RPH3A: variants seen among roughly 807,000 people sequenced by gnomAD.
RPH3A encodes rabphilin-3A.
Under a neutral mutation model 102.2 loss-of-function variants are expected in RPH3A, and 48 were observed. The ratio of observed to expected loss-of-function variants is 0.47; its 90% confidence interval spans 0.37 to 0.60. The LOEUF is 0.60. Among genes scored for constraint, RPH3A ranks in the 20% least tolerant of loss-of-function variants. RPH3A has a pLI of 0.00. For missense variants in RPH3A, 781 were observed against 910.1 expected (o/e 0.86, Z 1.83); for synonymous variants, 310 against 324.3 (o/e 0.96, Z 0.47).
intron 1 of RPH3A, among the ~76,000 whole-genome samples, chr12:112,629,858 C>T (rs1328354804): frequency 6.6e-6 from 1 of 152,080 alleles, no homozygotes; most frequent in Non-Finnish European, 1.5e-5. Flanking sequence ...TTTACATAAA[C>T]ATTAAATCAT....
chr12:112,729,071 G>A (rs1173583137), intron 1 of RPH3A, among the ~76,000 whole-genome samples: 1 of 152,058 alleles, frequency 6.6e-6, no homozygotes, highest in African/African-American at 2.4e-5. Flanking sequence ...TGGAGCCTGA[G>A]ATCTTTTTGA....
intron 1 of RPH3A, among the ~76,000 whole-genome samples, chr12:112,783,604 G>A (rs1016701914): frequency 2.0e-5 from 3 of 152,052 alleles, no homozygotes; most frequent in Non-Finnish European, 4.4e-5. Flanking sequence ...TAATGTGTTG[G>A]GCACCTACTA....
chr12:112,787,227 C>T (rs1022434721), upstream of RPH3A, among the ~76,000 whole-genome samples: 17 of 152,216 alleles, frequency 1.1e-4, no homozygotes, highest in Admixed American at 1.3e-4. Context: ...CCACTTGCCA[C>T]TTAAGGTAAT....
chr12:112,644,631 T>C (rs1269687658), intron 1 of RPH3A, among the ~76,000 whole-genome samples: 1 of 152,262 alleles, frequency 6.6e-6, no homozygotes, highest in Non-Finnish European at 1.5e-5. Context: ...GCACGTACTA[T>C]ATGCCAGGTA....
At chr12:112,620,439 G>A (rs1056992376) in intron 1 of RPH3A, among the ~76,000 whole-genome samples, 7 of 152,152 alleles carry the variant, frequency 4.6e-5, no homozygotes, top group South Asian at 4.1e-4. Flanking sequence ...TCTCCTGGTC[G>A]TTTCCTTCCA....
intron 13 of RPH3A, among the ~76,000 whole-genome samples, chr12:112,878,605 T>C (rs1238767455): frequency 1.3e-5 from 2 of 152,166 alleles, no homozygotes. Context: ...TAAAATACAT[T>C]GAGTGACTAT....
At chr12:112,629,155 T>TATTGATTG (rs1251496931) in intron 1 of RPH3A, among the ~76,000 whole-genome samples, 4 of 152,108 alleles carry the variant, frequency 2.6e-5, no homozygotes, top group Admixed American at 6.5e-5. Flanking sequence ...TGGAGACACT[T>TATTGATTG]ATTGATTGGC....
chr12:112,678,848 T>G lies in RPH3A; in HGVS notation c.-140+103529T>G, dbSNP rs192592344. Among the ~76,000 whole-genome samples the G allele has an allele frequency of 7.0e-4, 106 of 152,250 alleles. 1 individual carries two copies. In the East Asian group the frequency reaches 0.016, roughly 23 times the overall value. Reference sequence around the variant, plus strand: ...GGAAGCAGACCAGAAAACTAAGAATTGCAATTCTGCGTGACAGATTAGATA... The same window carrying G: ...GGAAGCAGACCAGAAAACTAAGAATGGCAATTCTGCGTGACAGATTAGATA... On this transcript the variant is annotated intron_variant, in intron 1 of 21. Coordinates refer to the RPH3A transcript ENST00000543106.
At chr12:112,883,255 T>A in intron 15 of RPH3A, 38 bp from the exon 16 acceptor site, 1 of 1,533,322 alleles carries the variant, frequency 6.5e-7, no homozygotes, top group Non-Finnish European at 9.0e-7. Context: ...GGCTCCCCAC[T>A]GAGGTAGGTG....
chr12:112,704,078 CTCT>C (rs575739587), intron 1 of RPH3A, among the ~76,000 whole-genome samples: 44 of 151,462 alleles, frequency 2.9e-4, no homozygotes, highest in African/African-American at 6.0e-4. Flanking sequence ...CCTATCTTTT[CTCT>C]TCTTCTTCTT....
At chr12:112,769,178 G>A (rs1471666027) in intron 1 of RPH3A, among the ~76,000 whole-genome samples, 2 of 152,172 alleles carry the variant, frequency 1.3e-5, no homozygotes, top group Non-Finnish European at 2.9e-5. Flanking sequence ...TAAACTTTCT[G>A]AGACTTTCAA....
chr12:112,629,221 C>T (rs1220327803), intron 1 of RPH3A, among the ~76,000 whole-genome samples: 3 of 152,052 alleles, frequency 2.0e-5, no homozygotes, highest in Non-Finnish European at 4.4e-5. Flanking sequence ...CGGGAGGCCC[C>T]AGGCTCACAG....
At chr12:112,694,648 A>G (rs201955323) in intron 1 of RPH3A, among the ~76,000 whole-genome samples, 11 of 111,658 alleles carry the variant, frequency 9.9e-5, no homozygotes, top group South Asian at 3.6e-4. Flanking sequence ...GCGCGCGCAC[A>G]CGCACACACA....
At chr12:112,820,676 G>T (rs990665349) in intron 2 of RPH3A, among the ~76,000 whole-genome samples, 1 of 152,158 alleles carries the variant, frequency 6.6e-6, no homozygotes, top group African/African-American at 2.4e-5. Context: ...TATCAATGAG[G>T]AAACAGGCCC....
intron 1 of RPH3A, among the ~76,000 whole-genome samples, chr12:112,711,270 T>C (rs2040459501): frequency 6.6e-6 from 1 of 152,194 alleles, no homozygotes; most frequent in Admixed American, 6.5e-5. Context: ...GGAGTGTTTC[T>C]TGTGCATACC....
chr12:112,887,900 A>G lies in RPH3A; in HGVS notation c.1540A>G (p.Ile514Val). The G allele has an allele frequency of 6.2e-7, 1 of 1,613,828 alleles. No homozygotes were observed. The highest frequency in any genetic ancestry group is 8.5e-7 in the Non-Finnish European group (1 of 1,179,758). Residue 514 changes from isoleucine to valine, a missense_variant, in exon 17 of 22, where the codon ATC (isoleucine) becomes GTC (valine). Transcript: ENST00000389385. ...GCCCAACCAGAGGAAGAATTTCAACATCTGCCTGGAGCGAGTGATTCCTGT... is the reference window on the plus strand; with the variant it reads ...GCCCAACCAGAGGAAGAATTTCAACGTCTGCCTGGAGCGAGTGATTCCTGT... ...LKPNQRKNFN[I>V]CLERVIPMKR...
chr12:112,613,829 A>G lies in RPH3A; in HGVS notation c.-140+38510A>G, dbSNP rs144381676. Among the ~76,000 whole-genome samples, 1,180 of 152,302 alleles carry G rather than the reference A, an allele frequency of 7.7e-3. 12 individuals carry two copies. Among genetic ancestry groups the G allele is most frequent in the African/African-American group, 0.027 (1,122 of 41,564 alleles). On this transcript the variant is annotated intron_variant, in intron 1 of 21. Coordinates refer to the RPH3A transcript ENST00000543106. ...TGTGGTGGTACACGCCTGTAATCCC[A>G]GCTACTCAGGAGACTGAGGCGAGAG...
In RPH3A at chr12:112,874,173, G is replaced by A. The variant is rs986788561; in HGVS notation, c.797-911G>A. 3 of 152,184 alleles carry A rather than the reference G, an allele frequency of 2.0e-5. No homozygotes were observed. In the East Asian group the frequency reaches 5.8e-4, roughly 29 times the overall value. The allele number at this position is 152,184 out of a possible 1,614,324, so 9.4% of individuals were successfully genotyped here. A position where few individuals can be genotyped will look rare whatever the true frequency, so the allele number is the denominator to read the frequency against. The stretch of plus-strand genomic sequence containing the variant: ...AGCCCAGTGAGGTAAGAAAAAGCAG[G>A]GCTTTCTTCCCAGAACATCACACCT... On this transcript the variant is annotated intron_variant, in intron 10 of 21. Coordinates refer to ENST00000389385, the MANE Select transcript of RPH3A (RefSeq NM_001143854.2).
rs993689981 is a variant in RPH3A, at chr12:112,898,511, C to T, written c.*1731C>T. ...AGGACTCATTTCTTGCCTTGAATAA[C>T]CATTTTCTAAACATCGAGCTCTTCA... On this transcript the variant is annotated 3_prime_UTR_variant, in exon 22 of 22. Transcript: ENST00000389385. 6.6e-6 allele frequency: 1 copy of T among 152,280 alleles called. No homozygotes were observed. The highest frequency in any genetic ancestry group is 2.4e-5 in the African/African-American group (1 of 41,444). 9.4% of individuals were successfully genotyped at this position (152,280 alleles called of 1,614,324 possible). A position where few individuals can be genotyped will look rare whatever the true frequency, so the allele number is the denominator to read the frequency against.
Sources: gnomAD v4.1 joint callset for allele counts (sites outside exome capture counted in the v4.1 genomes callset) on GRCh38, gnomAD v4.1.1 for gene constraint, MANE v1.5 for transcripts, NCBI Gene and HGNC (gene_info 2026-07-23, HGNC 2026-07-21) for gene names.